MKLN1: variants seen among roughly 807,000 people sequenced by gnomAD.
The protein encoded by MKLN1 is muskelin.
MKLN1 carries 18 observed loss-of-function variants against 99.0 expected under a neutral mutation model. That is an observed-to-expected ratio of 0.18 (90% confidence interval 0.13 to 0.27). The LOEUF (loss-of-function observed/expected upper bound fraction) is 0.27, where lower values mean the gene tolerates loss of function less well. Among genes scored for constraint, MKLN1 ranks in the 10% least tolerant of loss-of-function variants. The pLI is 1.00. For synonymous variants in MKLN1, 288 were observed against 293.2 expected, an observed-to-expected ratio of 0.98 and a Z score of 0.18; for missense variants, 621 against 875.9, an observed-to-expected ratio of 0.71 and a Z score of 3.67.
rs1370533288 is a variant in MKLN1 at position 131,406,016 on chromosome 7, T to C, written c.704-5290T>C. ...ATTACTGAGAAAGATGTTAACACTT[T>C]CCACTATGATCATCGAATTATATGT... On this transcript the variant is annotated intron_variant, in intron 6 of 17. Transcript: ENST00000352689. Among the ~76,000 whole-genome samples the C allele has an allele frequency of 3.9e-5, 6 of 152,124 alleles. No individual in the cohort carries two copies. In the East Asian group the frequency reaches 5.8e-4, roughly 15 times the overall value.
At chr7:131,434,106 G>A (rs1360729416) in intron 9 of MKLN1, among the ~76,000 whole-genome samples, 2 of 152,094 alleles carry the variant, frequency 1.3e-5, no homozygotes, top group African/African-American at 4.8e-5. Context: ...GGCTGGTCTC[G>A]AAATCCTGAC....
chr7:131,190,322 A>G (rs1356395353), intron 2 of MKLN1, among the ~76,000 whole-genome samples: 2 of 152,060 alleles, frequency 1.3e-5, no homozygotes, highest in African/African-American at 4.8e-5. Flanking sequence ...CAGAGGAAGT[A>G]TGTGTTTTCT....
At chr7:131,475,204 A>C (rs1390861760) in intron 16 of MKLN1, among the ~76,000 whole-genome samples, 1 of 152,206 alleles carries the variant, frequency 6.6e-6, no homozygotes, top group Non-Finnish European at 1.5e-5. Flanking sequence ...TACATATATT[A>C]AAAGTAAAGT....
chr7:131,180,187 C>T (rs962763549), intron 2 of MKLN1, among the ~76,000 whole-genome samples: 1 of 152,212 alleles, frequency 6.6e-6, no homozygotes, highest in Non-Finnish European at 1.5e-5. Context: ...TTTTCTGATA[C>T]TCTTACATGT....
chr7:131,478,543 G>A, intron 16 of MKLN1, 80 bp from the exon 17 acceptor site: 2 of 1,378,074 alleles, frequency 1.5e-6, no homozygotes, highest in African/African-American at 1.5e-5. Flanking sequence ...AATGGTCAAA[G>A]TTATAGAAGG....
intron 3 of MKLN1, among the ~76,000 whole-genome samples, chr7:131,286,194 T>G (rs146194460): frequency 0.054 from 8,158 of 152,234 alleles, 337 homozygotes; most frequent in African/African-American, 0.1. Context: ...AAGTGATCTG[T>G]CTGCCTTGGC....
chr7:131,344,331 A>G (rs1454657260), intron 1 of MKLN1, among the ~76,000 whole-genome samples: 1 of 152,214 alleles, frequency 6.6e-6, no homozygotes, highest in East Asian at 1.9e-4. Context: ...ATTATATAGG[A>G]TCCTATGTCC....
chr7:131,304,862 C>T (rs139496010), intron 3 of MKLN1, among the ~76,000 whole-genome samples: 21 of 152,268 alleles, frequency 1.4e-4, no homozygotes, highest in Middle Eastern at 3.4e-3. Flanking sequence ...AATGCAACAG[C>T]GTTAGGAGTT....
chr7:131,369,178 CA>C (rs1462126954), intron 1 of MKLN1, among the ~76,000 whole-genome samples: 1 of 152,062 alleles, frequency 6.6e-6, no homozygotes, highest in Non-Finnish European at 1.5e-5. Flanking sequence ...CTTGCTACTT[CA>C]AAAAATGCGG....
intron 3 of MKLN1, among the ~76,000 whole-genome samples, chr7:131,246,247 C>G (rs962860592): frequency 6.6e-6 from 1 of 152,216 alleles, no homozygotes; most frequent in African/African-American, 2.4e-5. Context: ...GCCTTGTCGG[C>G]TGCTGATGTT....
chr7:131,255,517 C>G (rs1797644742), intron 3 of MKLN1, among the ~76,000 whole-genome samples: 1 of 152,168 alleles, frequency 6.6e-6, no homozygotes, highest in Non-Finnish European at 1.5e-5. Context: ...ATTCAAAATG[C>G]TGAAAGGAAA....
intron 3 of MKLN1, among the ~76,000 whole-genome samples, chr7:131,259,940 T>C (rs1797708983): frequency 6.6e-6 from 1 of 152,208 alleles, no homozygotes; most frequent in Non-Finnish European, 1.5e-5. Context: ...TATAATTCTA[T>C]ATCTATAAAA....
upstream of MKLN1, among the ~76,000 whole-genome samples, chr7:131,324,920 CT>C (rs1260158602): frequency 2.0e-5 from 3 of 152,096 alleles, no homozygotes; most frequent in Non-Finnish European, 2.9e-5. Flanking sequence ...CATAGGAATG[CT>C]TTAAATTATT....
intron 1 of MKLN1, among the ~76,000 whole-genome samples, chr7:131,338,725 T>C (rs1454749201): frequency 1.3e-5 from 2 of 152,226 alleles, no homozygotes; most frequent in African/African-American, 4.8e-5. Flanking sequence ...CCAGAGTTCT[T>C]TGGTCTCTTG....
intron 2 of MKLN1, among the ~76,000 whole-genome samples, chr7:131,178,256 A>G (rs1328118429): frequency 7.0e-6 from 1 of 142,834 alleles, no homozygotes; most frequent in African/African-American, 2.6e-5. Context: ...AGCTGCGATT[A>G]CAGGCGCCTG....
In MKLN1 at chr7:131,281,710, C is replaced by G. The variant is rs149901988; in HGVS notation, c.-179+78736C>G. Among the ~76,000 whole-genome samples the G allele has an allele frequency of 1.7e-4, 25 of 149,880 alleles. No individual in the cohort carries two copies. The East Asian group carries it at 2.3e-3, about 14-fold the overall frequency. On this transcript the variant is annotated intron_variant, in intron 3 of 7. Coordinates refer to the MKLN1 transcript ENST00000416992. ...TTTTCTTTTTTTTTTTGTTTACAGT[C>G]TTGCTCTGTCACCCAGGGTGGAGCG...
Position 131,463,227 on chromosome 7 carries a change from A to G in MKLN1, c.1536A>G (p.Thr512=), listed in dbSNP as rs1371586449. The G allele has an allele frequency of 2.5e-6, 4 of 1,610,098 alleles. No individual in the cohort carries two copies. The highest frequency in any genetic ancestry group is 2.5e-6 in the Non-Finnish European group (3 of 1,177,608). ...TKKDSGMVPM[T]GFTQRATIDP... The stretch of plus-strand genomic sequence containing the variant: ...TTCTTTAATTTGTAGTTCCAATGAC[A>G]GGATTTACACAGAGAGCAACTATTG... The change falls in exon 13 of 18, where the codon ACA becomes ACG. Residue 512 remains threonine (T), a synonymous_variant. Coordinates refer to ENST00000352689, the MANE Select transcript of MKLN1 (RefSeq NM_013255.5).
At chr7:131,374,106 C>T (rs1793559047) in intron 1 of MKLN1, among the ~76,000 whole-genome samples, 1 of 152,116 alleles carries the variant, frequency 6.6e-6, no homozygotes, top group Non-Finnish European at 1.5e-5. Context: ...TGACATGATC[C>T]ATACTGCTCC....
intron 3 of MKLN1, among the ~76,000 whole-genome samples, chr7:131,271,880 G>C (rs1313508700): frequency 6.7e-6 from 1 of 150,200 alleles, no homozygotes; most frequent in Non-Finnish European, 1.5e-5. Context: ...CTGCACTCCA[G>C]CTTAGGCAAC....
Sources: allele counts gnomAD v4.1 joint callset (sites outside exome capture counted in the v4.1 genomes callset), GRCh38; gene constraint gnomAD v4.1.1; transcripts MANE v1.5; gene names NCBI Gene and HGNC (gene_info 2026-07-23, HGNC 2026-07-21).